The following JADE3 variants were observed in gnomAD, a reference collection of about 807,000 sequenced individuals.
The protein encoded by JADE3 is protein Jade-3.
JADE3 carries 2 observed loss-of-function variants against 50.1 expected under a neutral mutation model. That is an observed-to-expected ratio of 0.04 (90% CI 0.02 to 0.13). The LOEUF (loss-of-function observed/expected upper bound fraction) is 0.13. Ranked by LOEUF, JADE3 falls within the 10% of genes least tolerant of loss-of-function variation. JADE3 has a pLI of 1.00. For missense variants in JADE3, 475 were observed against 634.4 expected (o/e 0.75, Z 2.70); for synonymous variants, 218 against 232.9 (o/e 0.94, Z 0.58).
At chrX:46,974,585 A>G (rs1556351206) in intron 1 of JADE3, among the ~76,000 whole-genome samples, 1 of 112,049 alleles carries the variant, frequency 8.9e-6, no homozygotes, top group African/African-American at 3.2e-5. Context: ...TCTTTCCTTA[A>G]GGATTACTTC....
chrX:46,931,694 G>A (rs1556339952), intron 1 of JADE3, among the ~76,000 whole-genome samples: 1 of 111,525 alleles, frequency 9.0e-6, no homozygotes, highest in African/African-American at 3.3e-5. Flanking sequence ...AAAGTGCTGC[G>A]ATTACAGGCA....
In JADE3 at chrX:47,058,906, T is replaced by C; in HGVS notation, c.2301T>C (p.Tyr767=). 1.7e-6 allele frequency: 2 copies of C among 1,211,315 alleles called. No individual in the cohort carries two copies. The highest frequency in any genetic ancestry group is 2.2e-6 in the Non-Finnish European group (2 of 895,395). ...GRAPYQENDG[Y]CPDLELSDSE... Reference sequence around the variant, plus strand: ...CTCCATATCAGGAAAATGATGGCTATTGCCCAGATTTGGAGCTGAGTGATT... The same window carrying C: ...CTCCATATCAGGAAAATGATGGCTACTGCCCAGATTTGGAGCTGAGTGATT... Residue 767 remains tyrosine, a synonymous_variant, in exon 11 of 11, where the codon TAT becomes TAC. Transcript: ENST00000614628.
rs967639162 is a variant in JADE3 at position 47,038,986 on chromosome X, C to T, written c.893C>T (p.Thr298Met). 2 of 1,199,107 alleles carry T rather than the reference C, an allele frequency of 1.7e-6. No individual in the cohort carries two copies. The highest frequency in any genetic ancestry group is 2.3e-6 in the Non-Finnish European group (2 of 886,297). The change falls in exon 8 of 11, where the codon ACG becomes ATG. Residue 298 changes from threonine (T) to methionine (M), a missense_variant. Thr to Met is a moderately conservative substitution (Grantham distance 81). Around this residue, in one of 6 missense-constraint regions of JADE3, gnomAD observed 54 missense variants for 156.2 expected, o/e 0.35. Transcript: ENST00000614628. Reference sequence around the variant, plus strand: ...TGTCCTGAGAGGATGGAACCGATCACGAAGATCTCCCACATCCCACCCAGT... The same window carrying T: ...TGTCCTGAGAGGATGGAACCGATCATGAAGATCTCCCACATCCCACCCAGT... ...IACPERMEPI[T>M]KISHIPPSRW...
At chrX:46,925,492 G>A (rs1343042224) in intron 1 of JADE3, among the ~76,000 whole-genome samples, 3 of 111,942 alleles carry the variant, frequency 2.7e-5, no homozygotes, top group Non-Finnish European at 5.6e-5. Flanking sequence ...AAATGTTGTA[G>A]TAAATGGGAA....
At chrX:47,039,723 G>C (rs1556369229) in intron 8 of JADE3, among the ~76,000 whole-genome samples, 2 of 111,903 alleles carry the variant, frequency 1.8e-5, no homozygotes, top group African/African-American at 6.5e-5. Context: ...CCATGTTGCT[G>C]CAAAGGACAT....
intron 5 of JADE3, among the ~76,000 whole-genome samples, chrX:47,026,325 A>C (rs372214016): frequency 1.2e-4 from 13 of 112,001 alleles, no homozygotes; most frequent in African/African-American, 4.2e-4. Context: ...ATTTTGGAAT[A>C]GTTTGATTTA....
intron 1 of JADE3, among the ~76,000 whole-genome samples, chrX:46,926,749 A>G (rs782820627): frequency 8.9e-6 from 1 of 112,631 alleles, no homozygotes; most frequent in Admixed American, 9.4e-5. Flanking sequence ...TATCACATAA[A>G]TGGAGTCAAA....
At chrX:46,923,387 CTCTCTCTTTTTT>C (rs1569533972) in intron 1 of JADE3, among the ~76,000 whole-genome samples, 2 of 26,248 alleles carry the variant, frequency 7.6e-5, no homozygotes, top group African/African-American at 1.5e-4. Flanking sequence ...CTCTCTCTCT[CTCTCTCTTTTTT>C]TTTTTTTTTT....
chrX:46,960,475 A>G lies in JADE3; in HGVS notation c.-11-24409A>G, dbSNP rs1011036706. Reference sequence around the variant, plus strand: ...GGTCTGTACCAGTCAGAGGGTGCCTATGTGACCAGTCACCAATAAAAACCC... The same window carrying G: ...GGTCTGTACCAGTCAGAGGGTGCCTGTGTGACCAGTCACCAATAAAAACCC... On this transcript the variant is annotated intron_variant, in intron 1 of 10. Coordinates refer to ENST00000614628, the MANE Select transcript of JADE3 (RefSeq NM_014735.5). 5.4e-5 allele frequency among the ~76,000 whole-genome samples: 6 copies of G among 112,011 alleles called. No individual in the cohort carries two copies. The South Asian group carries it at 2.3e-3, about 42-fold the overall frequency.
intron 1 of JADE3, among the ~76,000 whole-genome samples, chrX:46,913,691 TTTG>T (rs1926019976): frequency 9.1e-6 from 1 of 109,793 alleles, no homozygotes; most frequent in African/African-American, 3.3e-5. Flanking sequence ...GCAGCCTGAG[TTTG>T]TTATTTGTGA....
chrX:47,009,532 A>G (rs1338842481), intron 4 of JADE3, among the ~76,000 whole-genome samples: 2 of 111,464 alleles, frequency 1.8e-5, no homozygotes, highest in East Asian at 5.6e-4. Context: ...AGAAAATTTG[A>G]GAAGGGCCAA....
Position 47,028,094 on chromosome X carries a change from T to C in JADE3, c.678T>C (p.Cys226=). 5 of 1,199,132 alleles carry C rather than the reference T, an allele frequency of 4.2e-6. No homozygotes were observed. The highest frequency in any genetic ancestry group is 5.7e-6 in the Non-Finnish European group (5 of 884,378). Residue 226 remains cysteine (C), a synonymous_variant, in exon 6 of 11, where the codon TGT becomes TGC. Transcript: ENST00000614628. ...DMVFCDKCNV[C]VHQACYGILK... ...TGTTCTGTGATAAGTGTAACGTCTG[T>C]GTGCATCAGGTTAGTGAGAGTGGAG...
At chrX:47,020,940 C>T (rs1928780358) in intron 4 of JADE3, among the ~76,000 whole-genome samples, 1 of 110,635 alleles carries the variant, frequency 9.0e-6, no homozygotes, top group East Asian at 2.8e-4. Context: ...CACAGTGAGA[C>T]CCCATCTCTA....
chrX:46,929,416 T>C (rs1556339491), intron 1 of JADE3, among the ~76,000 whole-genome samples: 1 of 112,189 alleles, frequency 8.9e-6, no homozygotes, highest in East Asian at 2.8e-4. Context: ...AGAGCTCCAA[T>C]TATGCCCCTT....
At chrX:46,969,665 T>C (rs993274527) in intron 1 of JADE3, among the ~76,000 whole-genome samples, 2 of 111,692 alleles carry the variant, frequency 1.8e-5, no homozygotes, top group African/African-American at 3.3e-5. Context: ...GGCGAAACCC[T>C]GTCTCTACTT....
intron 3 of JADE3, among the ~76,000 whole-genome samples, chrX:46,993,987 G>A (rs1229424621): frequency 7.1e-5 from 8 of 112,018 alleles, no homozygotes; most frequent in African/African-American, 2.3e-4. Context: ...GGTCAGTTAT[G>A]TGTAGCTTCA....
chrX:46,979,558 C>T (rs1474144472), intron 1 of JADE3, among the ~76,000 whole-genome samples: 1 of 111,954 alleles, frequency 8.9e-6, no homozygotes, highest in Non-Finnish European at 1.9e-5. Flanking sequence ...ACTTTCATTT[C>T]TCTGGGATAA....
At chrX:46,962,613 T>C (rs1387556418) in intron 1 of JADE3, among the ~76,000 whole-genome samples, 4 of 112,023 alleles carry the variant, frequency 3.6e-5, no homozygotes, top group African/African-American at 1.3e-4. Flanking sequence ...CTTTATGTAT[T>C]TCTTAATATA....
At chrX:46,986,927 A>G (rs782191976) in intron 3 of JADE3, among the ~76,000 whole-genome samples, 97 of 112,693 alleles carry the variant, frequency 8.6e-4, no homozygotes, top group African/African-American at 3.0e-3. Flanking sequence ...GTATTGCTAC[A>G]TTACAAATTA....
Sources: gnomAD v4.1 joint callset for allele counts (sites outside exome capture counted in the v4.1 genomes callset) on GRCh38, gnomAD v4.1.1 for gene constraint, gnomAD v4.1.1 regional missense constraint, MANE v1.5 for transcripts, NCBI Gene and HGNC (gene_info 2026-07-23, HGNC 2026-07-21) for gene names.